The following RBM5 variants were observed in gnomAD, a reference collection of about 807,000 sequenced individuals.
RBM5 encodes RNA-binding protein 5.
RBM5 carries 15 observed loss-of-function variants against 124.6 expected under a neutral mutation model. The ratio of observed to expected loss-of-function variants is 0.12; its 90% confidence interval spans 0.08 to 0.19. The LOEUF is 0.19. RBM5 is among the 10% of genes least tolerant of loss of function. The pLI is 1.00. For synonymous variants in RBM5, 337 were observed against 361.2 expected (o/e 0.93, Z 0.76); for missense variants, 580 against 1,026.5 (o/e 0.57, Z 5.94).
intron 17 of RBM5, chr3:50,110,971 T>C (rs1189304523): frequency 1.8e-6 from 1 of 549,630 alleles, no homozygotes; most frequent in Non-Finnish European, 3.2e-6. Context: ...AGGTATAATA[T>C]ACACACAAAA....
intron 6 of RBM5, chr3:50,101,575 C>G (rs1320247592): frequency 6.6e-6 from 1 of 152,168 alleles, no homozygotes; most frequent in African/African-American, 2.4e-5. Flanking sequence ...AAAAGTAGAG[C>G]TTCATTCATT....
intron 16 of RBM5, 30 bp downstream of exon 16, chr3:50,110,493 G>A (rs765486288): frequency 8.8e-6 from 14 of 1,591,760 alleles, no homozygotes; most frequent in Non-Finnish European, 1.2e-5. Context: ...GCTGTTGACA[G>A]TTGGAAGGTC....
chr3:50,115,761 T>C (rs2091238282), intron 21 of RBM5, 145 bp from the exon 22 acceptor site: 5 of 1,180,806 alleles, frequency 4.2e-6, no homozygotes, highest in Non-Finnish European at 4.9e-6. Context: ...GTCTGGCAGC[T>C]CCACACACAT....
Position 50,118,609 on chromosome 3 carries a change from A to T in RBM5, c.*153A>T. The T allele has an allele frequency of 8.1e-7, 1 of 1,238,158 alleles. No individual in the cohort carries two copies. Among genetic ancestry groups the T allele is most frequent in the Non-Finnish European group, 1.1e-6 (1 of 907,440 alleles). 76.7% of individuals were successfully genotyped at this position (1,238,158 alleles called of 1,614,324 possible). Reference sequence around the variant, plus strand: ...TCTGCAGGGTTCTCCCTCCCACCTTAAAGAAGTTCCCCTTATGTGGGTTGC... The same window carrying T: ...TCTGCAGGGTTCTCCCTCCCACCTTTAAGAAGTTCCCCTTATGTGGGTTGC... On this transcript the variant is annotated 3_prime_UTR_variant, in exon 25 of 25. Coordinates refer to ENST00000347869, the MANE Select transcript of RBM5 (RefSeq NM_005778.4).
chr3:50,092,332 C>T (rs181994207), intron 3 of RBM5, 124 bp downstream of exon 3: 22 of 1,050,914 alleles, frequency 2.1e-5, no homozygotes, highest in East Asian at 1.8e-4. Flanking sequence ...GAGGCCAAGG[C>T]GGCCAGATCA....
chr3:50,096,499 C>T (rs1442916251), intron 4 of RBM5, among the ~76,000 whole-genome samples: 2 of 151,928 alleles, frequency 1.3e-5, no homozygotes, highest in Admixed American at 1.3e-4. Flanking sequence ...AAAAGAGGGT[C>T]ATGTCGGAAA....
At position 50,113,439 on chromosome 3, in the gene RBM5, C is replaced by T. The variant is rs763098710; in HGVS notation, c.1512C>T (p.Thr504=). The change falls in exon 18 of 25, where the codon ACC becomes ACT. Residue 504 remains threonine, a synonymous_variant. Coordinates refer to ENST00000347869, the MANE Select transcript of RBM5 (RefSeq NM_005778.4). ...TTTACTGGGATGGGGAAAAAGAGAC[C>T]TACGTGCCAGCTGCAGAGTCTAGCT... ...QYLYWDGEKE[T]YVPAAESSSH... The T allele has an allele frequency of 6.2e-7, 1 of 1,613,970 alleles. No homozygotes were observed. Among genetic ancestry groups the T allele is most frequent in the South Asian group, 1.1e-5 (1 of 91,078 alleles).
At chr3:50,104,368 C>A in intron 8 of RBM5, 60 bp downstream of exon 8, 1 of 1,512,490 alleles carries the variant, frequency 6.6e-7, no homozygotes, top group Non-Finnish European at 9.2e-7. Context: ...GGGCAGGGAG[C>A]AGTGGCTCAC....
In RBM5 at chr3:50,105,574, G is replaced by A. The variant is rs772965074; in HGVS notation, c.720G>A (p.Pro240=). 6.2e-6 allele frequency: 10 copies of A among 1,614,066 alleles called. No homozygotes were observed. Among genetic ancestry groups the A allele is most frequent in the Non-Finnish European group, 8.5e-6 (10 of 1,179,988 alleles). ...CDTIILRNIA[P]HTVVDSIMTA... ...CGATCATTCTTCGGAACATAGCTCC[G>A]CACACTGTGGTGGATTCCATCATGA... The change falls in exon 10 of 25, where the codon CCG becomes CCA. Residue 240 remains proline, a synonymous_variant. Transcript: ENST00000347869.
At chr3:50,116,035 T>A in intron 22 of RBM5, 55 bp downstream of exon 22, 2 of 1,510,544 alleles carry the variant, frequency 1.3e-6, no homozygotes, top group South Asian at 1.1e-5. Context: ...TGCCTTTAGC[T>A]TTTATTTGTA....
intron 17 of RBM5, among the ~76,000 whole-genome samples, chr3:50,111,507 G>A (rs1385371800): frequency 6.6e-6 from 1 of 152,034 alleles, no homozygotes; most frequent in African/African-American, 2.4e-5. Context: ...CTGCTGAGTA[G>A]CTGGTAGCTG....
chr3:50,107,989 T>C (rs2109008769), intron 12 of RBM5, 81 bp from the exon 13 acceptor site: 1 of 1,215,664 alleles, frequency 8.2e-7, no homozygotes, highest in Non-Finnish European at 1.2e-6. Context: ...CCCAGCATCA[T>C]GAGCTCATTT....
At chr3:50,097,839 G>C (rs535638140) in intron 4 of RBM5, among the ~76,000 whole-genome samples, 1 of 152,120 alleles carries the variant, frequency 6.6e-6, no homozygotes, top group South Asian at 2.1e-4. Flanking sequence ...GGTGGCTCAC[G>C]CCTGTAATCC....
chr3:50,109,139 T>C (rs921005214), intron 14 of RBM5, among the ~76,000 whole-genome samples: 3 of 152,186 alleles, frequency 2.0e-5, no homozygotes, highest in African/African-American at 7.2e-5. Flanking sequence ...GGTGGCGTTA[T>C]CTCGGTTCAC....
At chr3:50,107,363 T>C in intron 11 of RBM5, 119 bp from the exon 12 acceptor site, 1 of 786,940 alleles carries the variant, frequency 1.3e-6, no homozygotes, top group East Asian at 2.5e-5. Flanking sequence ...CCCTGTGAAA[T>C]GTGGCCTTGC....
rs1304132370 is a variant in RBM5 at position 50,103,140 on chromosome 3, A to G, written c.541A>G (p.Lys181Glu). 4 of 1,612,322 alleles carry G rather than the reference A, an allele frequency of 2.5e-6. No homozygotes were observed. The highest frequency in any genetic ancestry group is 3.4e-6 in the Non-Finnish European group (4 of 1,178,382). Reference protein sequence around the residue: ...IAMHYSNPRPKFEDWLCNKCC... With the variant: ...IAMHYSNPRPEFEDWLCNKCC... ...AATGCATTATAGCAATCCCAGACCT[A>G]AGTTTGAAGATTGGCTTTGTAACAA... The change falls in exon 7 of 25, where the codon AAG becomes GAG. Residue 181 changes from lysine to glutamate, a missense_variant. Coordinates refer to ENST00000347869, the MANE Select transcript of RBM5 (RefSeq NM_005778.4).
intron 21 of RBM5, 149 bp from the exon 22 acceptor site, chr3:50,115,757 C>A: frequency 8.6e-7 from 1 of 1,167,380 alleles, no homozygotes; most frequent in Non-Finnish European, 1.2e-6. Context: ...CGGAGTCTGG[C>A]AGCTCCACAC....
At chr3:50,109,105 G>A (rs1223276596) in intron 14 of RBM5, among the ~76,000 whole-genome samples, 2 of 151,512 alleles carry the variant, frequency 1.3e-5, no homozygotes, top group African/African-American at 2.4e-5. Flanking sequence ...ACGGAGTCTC[G>A]CTCTGTTGCC....
intron 22 of RBM5, chr3:50,116,647 C>T (rs1284567355): frequency 1.3e-5 from 3 of 229,724 alleles, no homozygotes; most frequent in Non-Finnish European, 2.6e-5. Flanking sequence ...GGTTCCACCT[C>T]CCCAGCGACT....
Sources: gnomAD v4.1 joint callset for allele counts (sites outside exome capture counted in the v4.1 genomes callset) on GRCh38, gnomAD v4.1.1 for gene constraint, MANE v1.5 for transcripts, NCBI Gene and HGNC (gene_info 2026-07-23, HGNC 2026-07-21) for gene names.